ERMP1: variants seen among roughly 807,000 people sequenced by gnomAD.
ERMP1 encodes the protein endoplasmic reticulum metallopeptidase 1.
A neutral mutation model predicts 92.0 loss-of-function variants in ERMP1; 86 were observed. That is an observed-to-expected ratio of 0.93 (90% CI 0.79 to 1.12). The LOEUF is 1.12. Ranked by LOEUF, ERMP1 falls within the 50% of genes most tolerant of loss-of-function variation. ERMP1 has a pLI of 0.00. For missense variants in ERMP1, 1,342 were observed against 1,116.3 expected, an observed-to-expected ratio of 1.20 and a Z score of -2.88; for synonymous variants, 530 against 412.8, an observed-to-expected ratio of 1.28 and a Z score of -3.44.
intron 4 of ERMP1, 43 bp downstream of exon 4, chr9:5,823,853 A>G: frequency 7.4e-7 from 1 of 1,355,092 alleles, no homozygotes; most frequent in Non-Finnish European, 1.0e-6. Context: ...CTTTTACAAA[A>G]ACTAGAATTG....
chr9:5,817,214 G>C (rs1829346709), intron 4 of ERMP1, among the ~76,000 whole-genome samples: 1 of 148,092 alleles, frequency 6.8e-6, no homozygotes, highest in Non-Finnish European at 1.5e-5. Flanking sequence ...TTGAGACAGA[G>C]TCTCTCGCTC....
At chr9:5,829,786 G>A (rs757108230) in intron 2 of ERMP1, among the ~76,000 whole-genome samples, 9 of 152,026 alleles carry the variant, frequency 5.9e-5, no homozygotes, top group Non-Finnish European at 1.0e-4. Flanking sequence ...TCAAATGAGG[G>A]GTTCAGCCAG....
intron 6 of ERMP1, among the ~76,000 whole-genome samples, chr9:5,846,004 T>C (rs1331724870): frequency 1.3e-5 from 2 of 152,204 alleles, no homozygotes; most frequent in African/African-American, 2.4e-5. Context: ...TCAGTGCTTC[T>C]TGAACTTGTT....
chr9:5,851,962 A>G (rs1251541231), intron 6 of ERMP1, among the ~76,000 whole-genome samples: 2 of 152,224 alleles, frequency 1.3e-5, no homozygotes, highest in African/African-American at 4.8e-5. Flanking sequence ...TTTCTTAATA[A>G]AAACACTTAG....
intron 13 of ERMP1, among the ~76,000 whole-genome samples, chr9:5,791,580 G>A (rs888966825): frequency 1.3e-5 from 2 of 151,762 alleles, no homozygotes; most frequent in African/African-American, 2.4e-5. Flanking sequence ...ACATTAGAAA[G>A]GGAGAGACCA....
chr9:5,856,869 C>G (rs1192275061), intron 6 of ERMP1, among the ~76,000 whole-genome samples: 1 of 152,132 alleles, frequency 6.6e-6, no homozygotes, highest in Non-Finnish European at 1.5e-5. Context: ...AAAACGTATA[C>G]ATGGAATTTT....
chr9:5,822,348 T>C (rs1165232704), intron 4 of ERMP1, among the ~76,000 whole-genome samples: 1 of 152,152 alleles, frequency 6.6e-6, no homozygotes, highest in Non-Finnish European at 1.5e-5. Context: ...TCTCATTAGT[T>C]AGAGTAAGAA....
At chr9:5,807,902 A>ATTCCC (rs1218538075) in intron 8 of ERMP1, among the ~76,000 whole-genome samples, 1 of 152,170 alleles carries the variant, frequency 6.6e-6, no homozygotes, top group Non-Finnish European at 1.5e-5. Context: ...AATTATTATC[A>ATTCCC]TTCCCACACC....
intron 12 of ERMP1, among the ~76,000 whole-genome samples, 167 bp from the exon 13 acceptor site, chr9:5,798,099 A>C (rs956059290): frequency 2.0e-5 from 3 of 152,190 alleles, no homozygotes; most frequent in Non-Finnish European, 2.9e-5. Flanking sequence ...TTGTAATAAA[A>C]CCTTCCCAAT....
At position 5,813,202 on chromosome 9, in the gene ERMP1, T is replaced by C. The variant is rs1381315029; in HGVS notation, c.875-167A>G. The stretch of plus-strand genomic sequence containing the variant: ...TAGTTTCCAATGTTTCTCTGATATA[T>C]GTGTTTGACTTTTAGAATAAAAACC... On this transcript the variant is annotated intron_variant, in intron 4 of 14. Transcript: ENST00000339450. Among the ~76,000 whole-genome samples the C allele has an allele frequency of 2.0e-5, 3 of 152,210 alleles. No homozygotes were observed. The East Asian group carries it at 5.8e-4, about 29-fold the overall frequency.
At chr9:5,795,383 C>A (rs1218753525) in intron 13 of ERMP1, among the ~76,000 whole-genome samples, 7 of 152,050 alleles carry the variant, frequency 4.6e-5, no homozygotes, top group Admixed American at 4.6e-4. Context: ...AACTAGAAGT[C>A]CCAGATAATG....
chr9:5,855,463 C>T (rs368553018), intron 6 of ERMP1, among the ~76,000 whole-genome samples: 1 of 152,316 alleles, frequency 6.6e-6, no homozygotes, highest in East Asian at 1.9e-4. Flanking sequence ...AACCAAAGAC[C>T]ACCACCATCA....
chr9:5,866,259 TAG>T (rs749322655), intron 5 of ERMP1, among the ~76,000 whole-genome samples: 255 of 152,252 alleles, frequency 1.7e-3, no homozygotes, highest in Non-Finnish European at 3.1e-3. Context: ...CTTTGATTTC[TAG>T]ATCGAACAGG....
chr9:5,859,031 C>T (rs901980830), intron 6 of ERMP1, among the ~76,000 whole-genome samples: 1 of 152,176 alleles, frequency 6.6e-6, no homozygotes, highest in African/African-American at 2.4e-5. Context: ...ATTGTTTGCT[C>T]CATGTAATGC....
intron 7 of ERMP1, among the ~76,000 whole-genome samples, chr9:5,810,444 G>C (rs1274855609): frequency 6.6e-6 from 1 of 152,136 alleles, no homozygotes; most frequent in Non-Finnish European, 1.5e-5. Context: ...AGAGTCTCTA[G>C]ATACTAAACA....
chr9:5,793,494 AAGAC>A (rs1053320260), intron 13 of ERMP1, among the ~76,000 whole-genome samples: 1 of 152,148 alleles, frequency 6.6e-6, no homozygotes, highest in African/African-American at 2.4e-5. Context: ...TACAAATTAA[AAGAC>A]AGAGCGTCAG....
intron 6 of ERMP1, among the ~76,000 whole-genome samples, chr9:5,841,184 C>T (rs1830158313): frequency 2.0e-5 from 3 of 152,138 alleles, no homozygotes. Flanking sequence ...CATTAGCAAT[C>T]CATAAGCAGA....
rs1289105399 is a variant in ERMP1 at position 5,810,125 on chromosome 9, A to C, written c.1434T>G (p.Ile478Met). ...GGTTATACCATGAGAGAGACTGTCC[A>C]ATAAGAGAGATGAACACTGCTATAA... ...VLIIAVFISL[I>M]GQSLSWYNHF... is the part of the protein sequence containing the mutation. The change falls in exon 8 of 15, where the codon ATT (isoleucine) becomes ATG (methionine). Residue 478 changes from isoleucine (I) to methionine (M), a missense_variant. By Grantham distance (10) the Ile-to-Met change is conservative. Transcript: ENST00000339450. 1 of 1,613,982 alleles carries C rather than the reference A, an allele frequency of 6.2e-7. No individual in the cohort carries two copies. The highest frequency in any genetic ancestry group is 1.1e-5 in the South Asian group (1 of 91,074).
chr9:5,844,638 C>T (rs756534499), intron 6 of ERMP1, among the ~76,000 whole-genome samples: 26 of 152,184 alleles, frequency 1.7e-4, no homozygotes, highest in Non-Finnish European at 3.2e-4. Context: ...GTCACCTTTG[C>T]GGAGAACTGT....
Sources: gnomAD v4.1 joint callset for allele counts (sites outside exome capture counted in the v4.1 genomes callset) on GRCh38, gnomAD v4.1.1 for gene constraint, MANE v1.5 for transcripts, NCBI Gene and HGNC (gene_info 2026-07-23, HGNC 2026-07-21) for gene names.